Variants in NELL1 observed in about 807,000 individuals in gnomAD.
NELL1 encodes neural EGFL like 1, also known as protein kinase C-binding protein NELL1.
In NELL1, 76 loss-of-function variants were observed where a neutral mutation model predicts 107.4. The observed-to-expected ratio is 0.71, with a 90% CI of 0.59 to 0.86. The LOEUF (loss-of-function observed/expected upper bound fraction) is 0.86. NELL1 is among the 40% of genes least tolerant of loss of function. NELL1 has a pLI of 0.00. For missense variants in NELL1, 1,024 were observed against 1,005.5 expected (o/e 1.02, Z -0.25); for synonymous variants, 353 against 341.2 (o/e 1.03, Z -0.38).
intron 9 of NELL1, among the ~76,000 whole-genome samples, chr11:20,929,424 T>A (rs1850569613): frequency 6.6e-6 from 1 of 151,156 alleles, no homozygotes; most frequent in African/African-American, 2.4e-5. Context: ...AAAAAGGAAC[T>A]TTGTAATCTT....
At chr11:21,105,442 A>T (rs1854928793) in intron 12 of NELL1, among the ~76,000 whole-genome samples, 1 of 152,096 alleles carries the variant, frequency 6.6e-6, no homozygotes, top group Non-Finnish European at 1.5e-5. Context: ...TTAATCTTTT[A>T]TTATGCAAAT....
At chr11:20,994,548 G>GT (rs34324586) in intron 12 of NELL1, among the ~76,000 whole-genome samples, 1 of 152,122 alleles carries the variant, frequency 6.6e-6, no homozygotes, top group South Asian at 2.1e-4. Flanking sequence ...TGAATAAAAA[G>GT]TTTTTTTAAG....
At chr11:21,497,723 T>C (rs1304610145) in intron 15 of NELL1, among the ~76,000 whole-genome samples, 1 of 152,128 alleles carries the variant, frequency 6.6e-6, no homozygotes, top group Non-Finnish European at 1.5e-5. Flanking sequence ...TGTTTTTTTC[T>C]TCCTATACAT....
At chr11:20,805,541 A>T (rs1260824864) in intron 3 of NELL1, among the ~76,000 whole-genome samples, 2 of 152,020 alleles carry the variant, frequency 1.3e-5, no homozygotes, top group Non-Finnish European at 2.9e-5. Flanking sequence ...ATTTTTTGAG[A>T]TGGAGTCTCG....
At chr11:20,749,688 T>C (rs1012612303) in intron 2 of NELL1, among the ~76,000 whole-genome samples, 12 of 152,188 alleles carry the variant, frequency 7.9e-5, no homozygotes, top group African/African-American at 2.7e-4. Flanking sequence ...GATGAGTTTT[T>C]ATAATTTTAT....
intron 14 of NELL1, among the ~76,000 whole-genome samples, chr11:21,276,893 T>G (rs1848877009): frequency 6.6e-6 from 1 of 151,920 alleles, no homozygotes; most frequent in South Asian, 2.1e-4. Flanking sequence ...ATACAAAAAT[T>G]AATTCAAGAT....
At chr11:21,369,353 G>A (rs1348954445) in intron 14 of NELL1, among the ~76,000 whole-genome samples, 1 of 144,548 alleles carries the variant, frequency 6.9e-6, no homozygotes. Flanking sequence ...ACTTACCATG[G>A]TAGGTACTAT....
Position 21,187,708 on chromosome 11 carries a change from A to T in NELL1, c.1427-41624A>T, listed in dbSNP as rs145921537. Among the ~76,000 whole-genome samples the T allele has an allele frequency of 4.9e-4, 75 of 151,876 alleles. 3 individuals carry two copies. Among genetic ancestry groups the T allele is most frequent in the African/African-American group, 1.6e-3 (65 of 41,176 alleles). Reference sequence around the variant, plus strand: ...ATAGACATCCTGTGTCTGCCCTTACAGGGTCACTTTATTCAGAGAATCATA... The same window carrying T: ...ATAGACATCCTGTGTCTGCCCTTACTGGGTCACTTTATTCAGAGAATCATA... On this transcript the variant is annotated intron_variant, in intron 13 of 19. Transcript: ENST00000357134.
intron 2 of NELL1, chr11:20,770,898 A>C (rs1348929204): frequency 1.3e-5 from 2 of 151,152 alleles, no homozygotes; most frequent in Non-Finnish European, 2.9e-5. Context: ...TTCTGATAGC[A>C]AGGTGAGAGG....
chr11:21,249,903 C>CA (rs1247763620), intron 14 of NELL1, among the ~76,000 whole-genome samples: 5 of 152,050 alleles, frequency 3.3e-5, no homozygotes, highest in African/African-American at 4.8e-5. Flanking sequence ...AAGATTTGGA[C>CA]AAAAAACTGC....
In NELL1 at chr11:21,309,824, G is replaced by C. The variant is rs556787649; in HGVS notation, c.1550-61029G>C. 2.0e-5 allele frequency among the ~76,000 whole-genome samples: 3 copies of C among 152,190 alleles called. No individual in the cohort carries two copies. In the South Asian group the frequency reaches 6.2e-4, roughly 32 times the overall value. ...AGACTCATTCACTATCATGAGAACA[G>C]TGCAGGAAAGACGCACCCCATTAAT... is the stretch of plus-strand genomic sequence containing the variant. On this transcript the variant is annotated intron_variant, in intron 14 of 19. Coordinates refer to ENST00000357134, the MANE Select transcript of NELL1 (RefSeq NM_006157.5).
chr11:21,187,204 T>A (rs2133831083), intron 13 of NELL1, among the ~76,000 whole-genome samples: 1 of 151,884 alleles, frequency 6.6e-6, no homozygotes, highest in African/African-American at 2.4e-5. Context: ...AGGGAAGACT[T>A]GACAGAAGCG....
intron 14 of NELL1, among the ~76,000 whole-genome samples, chr11:21,250,285 TC>T (rs2133909447): frequency 6.6e-6 from 1 of 152,288 alleles, no homozygotes; most frequent in South Asian, 2.1e-4. Context: ...TGCAGTGATC[TC>T]TAAGTAACAG....
At chr11:21,169,732 C>A (rs1856561404) in intron 13 of NELL1, 6 of 852,346 alleles carry the variant, frequency 7.0e-6, no homozygotes, top group Non-Finnish European at 1.1e-5. Context: ...CAGAAGTAGT[C>A]ATGTGACCAG....
chr11:21,052,269 A>G (rs998061886), intron 12 of NELL1, among the ~76,000 whole-genome samples: 1 of 151,976 alleles, frequency 6.6e-6, no homozygotes, highest in African/African-American at 2.4e-5. Context: ...TCATTGTAAG[A>G]CCTTTTGCTT....
intron 12 of NELL1, among the ~76,000 whole-genome samples, chr11:20,985,145 A>G (rs1851827018): frequency 6.6e-6 from 1 of 152,112 alleles, no homozygotes; most frequent in Non-Finnish European, 1.5e-5. Context: ...TAGAATTTGA[A>G]GTGGTTACTA....
chr11:20,830,063 A>G (rs1051828699), intron 3 of NELL1, among the ~76,000 whole-genome samples: 1 of 151,732 alleles, frequency 6.6e-6, no homozygotes, highest in African/African-American at 2.4e-5. Context: ...CACGAGGTCA[A>G]GAGATCGACA....
chr11:21,281,751 G>T (rs552065680), intron 14 of NELL1, among the ~76,000 whole-genome samples: 7 of 152,188 alleles, frequency 4.6e-5, no homozygotes, highest in Admixed American at 6.5e-5. Context: ...AAGAGTCTCT[G>T]CATGGTAATC....
chr11:21,560,415 C>G, intron 17 of NELL1, 33 bp downstream of exon 17: 1 of 1,519,930 alleles, frequency 6.6e-7, no homozygotes, highest in Non-Finnish European at 8.8e-7. Flanking sequence ...GAAATTGAAA[C>G]TGTTCTTTCT....
Sources: gnomAD v4.1 joint callset for allele counts (sites outside exome capture counted in the v4.1 genomes callset) on GRCh38, gnomAD v4.1.1 for gene constraint, MANE v1.5 for transcripts, NCBI Gene and HGNC (gene_info 2026-07-23, HGNC 2026-07-21) for gene names.